LARGE1: variants seen among roughly 807,000 people sequenced by gnomAD.
LARGE1 encodes xylosyl- and glucuronyltransferase LARGE1.
LARGE1 carries 43 observed loss-of-function variants against 87.6 expected under a neutral mutation model. The observed-to-expected ratio is 0.49, with a 90% confidence interval of 0.38 to 0.63. The LOEUF (loss-of-function observed/expected upper bound fraction) is 0.63, where lower values mean the gene tolerates loss of function less well. LARGE1 is among the 30% of genes least tolerant of loss of function. The pLI is 0.00. For synonymous variants in LARGE1, 434 were observed against 394.6 expected (o/e 1.10, Z -1.18); for missense variants, 802 against 1,000.2 (o/e 0.80, Z 2.67).
intron 7 of LARGE1, among the ~76,000 whole-genome samples, chr22:33,393,699 G>T (rs1005254066): frequency 7.2e-5 from 11 of 152,202 alleles, no homozygotes; most frequent in African/African-American, 2.7e-4. Context: ...TGTCGTCGGG[G>T]TCTGGGAGCT....
the LARGE1 span, among the ~76,000 whole-genome samples, chr22:33,119,562 T>A: frequency 6.8e-6 from 1 of 146,862 alleles, no homozygotes; most frequent in African/African-American, 2.6e-5. Flanking sequence ...CCCTGATGAC[T>A]TTTTTTTTTC....
rs1602184613 is a variant in LARGE1, at chr22:33,273,386, C to A, written c.*1041G>T. ...CAATCACTTTCTTCCTGTAGGTCTC[C>A]AGATGGATACGTGAATCTTCAGAAC... On this transcript the variant is annotated 3_prime_UTR_variant, in exon 15 of 15. Coordinates refer to ENST00000397394, the MANE Select transcript of LARGE1 (RefSeq NM_133642.5). The A allele has an allele frequency of 2.3e-5, 9 of 398,708 alleles. No homozygotes were observed. In the East Asian group the frequency reaches 2.8e-4, roughly 13 times the overall value. The allele number at this position is 398,708 out of a possible 1,614,324, so 24.7% of individuals were successfully genotyped here. A position where few individuals can be genotyped will look rare whatever the true frequency, so the allele number is the denominator to read the frequency against.
chr22:33,295,118 C>T (rs539291944), intron 12 of LARGE1, among the ~76,000 whole-genome samples: 20 of 152,180 alleles, frequency 1.3e-4, no homozygotes, highest in Non-Finnish European at 1.9e-4. Flanking sequence ...CCTTTACAGA[C>T]GGTCATGCAC....
chr22:33,631,357 C>A (rs1281752468), intron 3 of LARGE1, among the ~76,000 whole-genome samples: 1 of 152,186 alleles, frequency 6.6e-6, no homozygotes, highest in Non-Finnish European at 1.5e-5. Context: ...TGTTTTATAA[C>A]AACACATAGC....
intron 10 of LARGE1, among the ~76,000 whole-genome samples, chr22:33,320,308 C>T (rs1936586219): frequency 6.6e-6 from 1 of 152,018 alleles, no homozygotes; most frequent in African/African-American, 2.4e-5. Context: ...TCGGGGATGC[C>T]CTCCCTCACT....
chr22:33,255,632 G>T (rs927918970), intron 11 of LARGE1, among the ~76,000 whole-genome samples: 1 of 152,128 alleles, frequency 6.6e-6, no homozygotes, highest in Admixed American at 6.5e-5. Context: ...GCTGCCCTTA[G>T]GTTTTTTAAT....
chr22:33,572,290 A>C, intron 5 of LARGE1: 2 of 862,234 alleles, frequency 2.3e-6, no homozygotes, highest in Non-Finnish European at 3.2e-6. Context: ...ACCAACCTAT[A>C]TGTTCAGAGT....
chr22:33,431,584 C>T (rs966621814), intron 7 of LARGE1, among the ~76,000 whole-genome samples: 5 of 152,136 alleles, frequency 3.3e-5, no homozygotes, highest in Admixed American at 1.3e-4. Context: ...CTTGCCCACA[C>T]GCTTTAAAGG....
chr22:33,719,497 A>ATATT (rs56236034), intron 2 of LARGE1, among the ~76,000 whole-genome samples: 55,221 of 144,854 alleles, frequency 0.38, 10,888 homozygotes, highest in African/African-American at 0.41. Context: ...CATCTATACC[A>ATATT]TATTTATTTA....
chr22:33,167,277 T>A (rs1185581192), intron 11 of LARGE1, among the ~76,000 whole-genome samples: 1 of 152,186 alleles, frequency 6.6e-6, no homozygotes, highest in African/African-American at 2.4e-5. Context: ...AAAGTCTTAA[T>A]TATAGCCCCT....
At chr22:33,270,008 A>G (rs1928164673), downstream of LARGE1, among the ~76,000 whole-genome samples, 1 of 151,520 alleles carries the variant, frequency 6.6e-6, no homozygotes. Flanking sequence ...CTGTCTCAAA[A>G]AAAAAAAAAA....
At chr22:33,205,018 TGGA>T (rs1417451796) in intron 11 of LARGE1, among the ~76,000 whole-genome samples, 1 of 147,734 alleles carries the variant, frequency 6.8e-6, no homozygotes, top group Non-Finnish European at 1.5e-5. Context: ...TGGACAAGCA[TGGA>T]GGACATATTA....
the LARGE1 span, among the ~76,000 whole-genome samples, chr22:33,156,715 G>C: frequency 6.6e-6 from 1 of 152,138 alleles, no homozygotes; most frequent in East Asian, 1.9e-4. Flanking sequence ...TATTGGGAAG[G>C]CATGATTGGT....
chr22:33,650,651 G>C lies in LARGE1; in HGVS notation c.124C>G (p.Leu42Val). 6.2e-7 allele frequency: 1 copy of C among 1,601,354 alleles called. No individual in the cohort carries two copies. The highest frequency in any genetic ancestry group is 8.5e-7 in the Non-Finnish European group (1 of 1,179,958). Reference protein sequence around the residue: ...GSFEDGKPVSLSPLESQAHSP... With the variant: ...GSFEDGKPVSVSPLESQAHSP... ...TGTGCCTGGGACTCCAGCGGTGACA[G>C]AGACACGGGCTTTCCATCTGGGGAG... Residue 42 changes from leucine to valine, a missense_variant, in exon 3 of 15, where the codon CTG (leucine) becomes GTG (valine). By Grantham distance (32) the Leu-to-Val change is conservative. Transcript: ENST00000397394.
At chr22:33,085,737 A>T in the LARGE1 span, among the ~76,000 whole-genome samples, 2 of 152,324 alleles carry the variant, frequency 1.3e-5, no homozygotes, top group East Asian at 3.9e-4. Flanking sequence ...AATTTCAGCA[A>T]ATTCTCATAC....
chr22:33,209,014 T>G (rs1035945348), intron 11 of LARGE1, among the ~76,000 whole-genome samples: 11 of 152,364 alleles, frequency 7.2e-5, no homozygotes, highest in East Asian at 1.9e-4. Flanking sequence ...CTATTGTGAA[T>G]AGTGCTGCAA....
At chr22:33,297,979 C>CAAAAAAA (rs757656914) in intron 12 of LARGE1, among the ~76,000 whole-genome samples, 1 of 48,798 alleles carries the variant, frequency 2.0e-5, no homozygotes. Flanking sequence ...GACATCATCT[C>CAAAAAAA]AAAAAAAAAA....
rs986466441 is a variant in LARGE1 at position 33,790,695 on chromosome 22, C to T, written c.-82-29137G>A. ...GATGAAAGACCAGGCTATGCCTCTC[C>T]GGAAGCTGACCAAAGTTTAAATGTA... is the stretch of plus-strand genomic sequence containing the variant. On this transcript the variant is annotated intron_variant, in intron 1 of 14. Coordinates refer to ENST00000397394, the MANE Select transcript of LARGE1 (RefSeq NM_133642.5). Among the ~76,000 whole-genome samples the T allele has an allele frequency of 5.9e-5, 9 of 152,124 alleles. No individual in the cohort carries two copies. The South Asian group carries it at 8.3e-4, about 14-fold the overall frequency.
intron 5 of LARGE1, among the ~76,000 whole-genome samples, chr22:33,577,829 G>A (rs1460729622): frequency 6.6e-6 from 1 of 152,198 alleles, no homozygotes; most frequent in Non-Finnish European, 1.5e-5. Context: ...ATTAATTTCT[G>A]ATTGGTTTAA....
Sources: allele counts gnomAD v4.1 joint callset (sites outside exome capture counted in the v4.1 genomes callset), GRCh38; gene constraint gnomAD v4.1.1; transcripts MANE v1.5; gene names NCBI Gene and HGNC (gene_info 2026-07-23, HGNC 2026-07-21).